WDR5: variants seen among roughly 807,000 people sequenced by gnomAD.
WDR5 encodes WD repeat domain 5.
For synonymous variants in WDR5, 144 were observed against 161.6 expected (o/e 0.89, Z 0.83); for missense variants, 187 against 416.9 (o/e 0.45, Z 4.80).
At chr9:134,136,641 C>G (rs1049346398) in intron 1 of WDR5, among the ~76,000 whole-genome samples, 1 of 152,208 alleles carries the variant, frequency 6.6e-6, no homozygotes, top group African/African-American at 2.4e-5. Flanking sequence ...CCGCCGCTCA[C>G]CCCAACCCGA....
intron 7 of WDR5, among the ~76,000 whole-genome samples, chr9:134,145,389 G>C (rs1832139343): frequency 6.6e-6 from 1 of 152,168 alleles, no homozygotes; most frequent in African/African-American, 2.4e-5. Flanking sequence ...GTGAGCCGCT[G>C]CGCCTGGCCT....
In WDR5 at chr9:134,159,169, G is replaced by T. The variant is rs897017813; in HGVS notation, c.*1176G>T. The T allele has an allele frequency of 6.6e-6, 1 of 152,336 alleles. No homozygotes were observed. The highest frequency in any genetic ancestry group is 1.5e-5 in the Non-Finnish European group (1 of 68,126). 9.4% of individuals were successfully genotyped at this position (152,336 alleles called of 1,614,324 possible). On this transcript the variant is annotated 3_prime_UTR_variant, in exon 14 of 14. Transcript: ENST00000358625. The surrounding 1 kb of genome is among the most constrained non-coding windows in gnomAD (Gnocchi z 4.3). ...CACCTGCACAGCAGTTAACAGCAGAGGCCGAGCGGGAGCCTCTGGGGAGCG... is the reference window on the plus strand; with the variant it reads ...CACCTGCACAGCAGTTAACAGCAGATGCCGAGCGGGAGCCTCTGGGGAGCG...
chr9:134,139,423 C>G (rs1192317371), intron 1 of WDR5, among the ~76,000 whole-genome samples: 1 of 152,216 alleles, frequency 6.6e-6, no homozygotes, highest in East Asian at 1.9e-4. Flanking sequence ...CACCCTGAAG[C>G]TCAGTCTTCT....
chr9:134,153,456 C>A (rs1352401335), intron 9 of WDR5, among the ~76,000 whole-genome samples: 1 of 152,274 alleles, frequency 6.6e-6, no homozygotes, highest in Non-Finnish European at 1.5e-5. Flanking sequence ...TCTGCCCAGG[C>A]AGCCTGGGTT....
intron 5 of WDR5, 74 bp downstream of exon 5, chr9:134,142,112 G>C (rs938309976): frequency 1.9e-5 from 26 of 1,352,362 alleles, no homozygotes; most frequent in Non-Finnish European, 2.7e-5. Context: ...GGACTGAGTT[G>C]ACTGCTCAGT....
intron 8 of WDR5, among the ~76,000 whole-genome samples, chr9:134,149,551 C>T (rs1832390608): frequency 6.6e-6 from 1 of 152,312 alleles, no homozygotes. Context: ...CTCTCTGGTG[C>T]CACCCTCCCG....
intron 2 of WDR5, 99 bp from the exon 3 acceptor site, chr9:134,140,604 G>A (rs956814452): frequency 1.4e-5 from 14 of 978,040 alleles, no homozygotes; most frequent in Non-Finnish European, 2.0e-5. Flanking sequence ...GAGCTCTAAA[G>A]ATCTGAGCTG....
At chr9:134,140,085 C>G in intron 2 of WDR5, 127 bp downstream of exon 2, 1 of 1,115,930 alleles carries the variant, frequency 9.0e-7, no homozygotes, top group East Asian at 2.6e-5. Flanking sequence ...TTTTTATTTA[C>G]TGACCGCATA....
chr9:134,153,701 C>T (rs536987975), intron 9 of WDR5, among the ~76,000 whole-genome samples: 1 of 152,102 alleles, frequency 6.6e-6, no homozygotes, highest in South Asian at 2.1e-4. Flanking sequence ...GGGCCGTGTC[C>T]TTCCCGGTGC....
At chr9:134,151,526 C>T (rs530049060) in intron 8 of WDR5, among the ~76,000 whole-genome samples, 14 of 152,328 alleles carry the variant, frequency 9.2e-5, no homozygotes, top group African/African-American at 3.4e-4. Context: ...TGGCTTGTAC[C>T]TTCTGGGAAT....
chr9:134,141,899 T>C (rs1831909730), intron 4 of WDR5, 50 bp from the exon 5 acceptor site: 3 of 1,554,498 alleles, frequency 1.9e-6, no homozygotes, highest in South Asian at 1.1e-5. Flanking sequence ...CTTTTGCCGA[T>C]GGTCCTATTT....
chr9:134,157,868 G>T lies in WDR5; in HGVS notation c.905-25G>T, dbSNP rs778667000. ...CGACCCAGGCGCAGGGATGGCTCTG[G>T]TTCTGACTGTGTCTTTGTTTTCAGA... is the stretch of plus-strand genomic sequence containing the variant. On this transcript the variant is annotated intron_variant, in intron 13 of 13. Transcript: ENST00000358625. This position sits in a 1 kb window ranked among gnomAD's most constrained non-coding sequence, Gnocchi z 5.0. The T allele has an allele frequency of 6.2e-7, 1 of 1,612,662 alleles. No homozygotes were observed.
intron 1 of WDR5, among the ~76,000 whole-genome samples, chr9:134,138,662 C>T (rs991627329): frequency 2.0e-5 from 3 of 152,112 alleles, no homozygotes; most frequent in African/African-American, 7.2e-5. Flanking sequence ...TGAAATGGAG[C>T]GGTGGCCACA....
upstream of WDR5, chr9:134,135,302 T>A (rs1831487069): frequency 6.6e-6 from 1 of 152,142 alleles, no homozygotes; most frequent in African/African-American, 2.4e-5. Flanking sequence ...CACCCCCTTG[T>A]ACCTGGAGGT....
At chr9:134,148,486 G>T in intron 8 of WDR5, 143 bp downstream of exon 8, 1 of 712,948 alleles carries the variant, frequency 1.4e-6, no homozygotes, top group South Asian at 1.8e-5. Context: ...CCACGCTGCA[G>T]ACATGTTAGC....
At chr9:134,136,410 G>C (rs1429812392) in intron 1 of WDR5, among the ~76,000 whole-genome samples, 3 of 150,940 alleles carry the variant, frequency 2.0e-5, no homozygotes, top group Admixed American at 2.0e-4. Context: ...CCCTCCACCC[G>C]GTCCGCCCCC....
chr9:134,155,491 T>C (rs1832707302), intron 11 of WDR5, 118 bp downstream of exon 11: 1 of 1,415,164 alleles, frequency 7.1e-7, no homozygotes, highest in South Asian at 1.4e-5. Flanking sequence ...CCATCTCCGC[T>C]GGGTTTGGTG....
Position 134,139,444 on chromosome 9 carries a change from G to A in WDR5, c.-58-376G>A, listed in dbSNP as rs564310708. On this transcript the variant is annotated intron_variant, in intron 1 of 13. Transcript: ENST00000358625. ...GAAGCTCAGTCTTCTGTCATTTGGCGTGTTAGCTTTCTGTCAGGAAACCTT... is the reference window on the plus strand; with the variant it reads ...GAAGCTCAGTCTTCTGTCATTTGGCATGTTAGCTTTCTGTCAGGAAACCTT... 2.6e-5 allele frequency among the ~76,000 whole-genome samples: 4 copies of A among 152,344 alleles called. No homozygotes were observed. In the East Asian group the frequency reaches 5.8e-4, roughly 22 times the overall value.
intron 10 of WDR5, 49 bp from the exon 11 acceptor site, chr9:134,155,291 A>G (rs368163323): frequency 3.9e-6 from 6 of 1,529,712 alleles, no homozygotes; most frequent in Non-Finnish European, 5.3e-6. Flanking sequence ...GTGTGGGGAC[A>G]GAAGGATGCC....
Sources: allele counts gnomAD v4.1 joint callset (sites outside exome capture counted in the v4.1 genomes callset), GRCh38; gene constraint gnomAD v4.1.1; non-coding constraint Gnocchi (gnomAD v3.1); transcripts MANE v1.5; gene names NCBI Gene and HGNC (gene_info 2026-07-23, HGNC 2026-07-21).